Variants in ATP8A2 observed in about 807,000 individuals in gnomAD.
The protein encoded by ATP8A2 is ATPase phospholipid transporting 8A2, also known as phospholipid-transporting ATPase IB.
In ATP8A2, 100 loss-of-function variants were observed where a neutral mutation model predicts 165.6. That is an observed-to-expected ratio of 0.60 (90% CI 0.51 to 0.71). ATP8A2 has a LOEUF of 0.71. ATP8A2 is among the 30% of genes least tolerant of loss of function. ATP8A2 has a pLI of 0.00. For synonymous variants in ATP8A2, 543 were observed against 548.8 expected (o/e 0.99, Z 0.15); for missense variants, 1,227 against 1,479.5 (o/e 0.83, Z 2.80).
intron 1 of ATP8A2, among the ~76,000 whole-genome samples, chr13:25,386,843 A>C (rs553682154): frequency 6.6e-6 from 1 of 151,954 alleles, no homozygotes; most frequent in Non-Finnish European, 1.5e-5. Context: ...TAAAAATACA[A>C]AAAAGTAGCC....
rs1398724919 is a variant in ATP8A2, at chr13:25,574,810, G to A, written c.1665G>A (p.Met555Ile). Residue 555 changes from methionine (M) to isoleucine (I), a missense_variant and splice_region_variant, in exon 19 of 37, where the codon ATG (methionine) becomes ATA (isoleucine). By Grantham distance (10) the Met-to-Ile change is conservative (BLOSUM62 1). This residue lies in a region of ATP8A2 where 592 missense variants were observed against 785.6 expected (regional missense o/e 0.75). Coordinates refer to ENST00000381655, the MANE Select transcript of ATP8A2 (RefSeq NM_016529.6). ...AGAGCCTATTTTTCTTCCTTTAGAT[G>A]GGACAGGAACAAACATTCGGAATCC... ...RTPFSVIIEA[M>I]GQEQTFGILN... 5.1e-6 allele frequency: 8 copies of A among 1,558,516 alleles called. No individual in the cohort carries two copies. Among genetic ancestry groups the A allele is most frequent in the South Asian group, 3.3e-5 (3 of 89,590 alleles).
rs1186621748 is a variant in ATP8A2 at position 25,538,109 on chromosome 13, A to G, written c.581+48A>G. The G allele has an allele frequency of 4.1e-6, 6 of 1,464,092 alleles. 1 individual carries two copies. The highest frequency in any genetic ancestry group is 2.3e-5 in the South Asian group (2 of 86,870). The allele number at this position is 1,464,092 out of a possible 1,614,324, so 90.7% of individuals were successfully genotyped here. On this transcript the variant is annotated intron_variant, in intron 7 of 36. Coordinates refer to ENST00000381655, the MANE Select transcript of ATP8A2 (RefSeq NM_016529.6). ...TTTTTTGCAATAAATGTTAAGAACA[A>G]TAAAATATTAAGCAGCACCTGGGGC...
chr13:25,676,692 T>A (rs536032682), intron 24 of ATP8A2, among the ~76,000 whole-genome samples: 16 of 152,160 alleles, frequency 1.1e-4, no homozygotes, highest in South Asian at 2.1e-4. Flanking sequence ...TTAAAAAAAA[T>A]TTTTATATAT....
In ATP8A2 at chr13:25,805,516, C is replaced by CA. The variant is rs560448020; in HGVS notation, c.2680-22593dup. On this transcript the variant is annotated intron_variant, in intron 27 of 36. Transcript: ENST00000381655. ...TGGGCAACAGAGTAAGACCCTGTCT[C>CA]AAAAAAAAAGAAAAAGAGTAACAAA... Among the ~76,000 whole-genome samples, 1,402 of 148,556 alleles carry CA rather than the reference C, an allele frequency of 9.4e-3. 21 individuals carry two copies. The highest frequency in any genetic ancestry group is 0.033 in the African/African-American group (1,319 of 40,428).
At chr13:25,503,786 G>T (rs1447204400) in intron 2 of ATP8A2, among the ~76,000 whole-genome samples, 1 of 152,158 alleles carries the variant, frequency 6.6e-6, no homozygotes, top group Non-Finnish European at 1.5e-5. Context: ...ATCCTTAATG[G>T]CAAGTTTGGT....
In ATP8A2 at chr13:25,750,286, C is replaced by T. The variant is rs1241688863; in HGVS notation, c.2385-18760C>T. Among the ~76,000 whole-genome samples the T allele has an allele frequency of 6.6e-6, 1 of 152,188 alleles. No homozygotes were observed. ...TTCTCAGAGTAGTCGCTAGAGTTTT[C>T]AGGAGACCAAATAAAATAGTACACA... On this transcript the variant is annotated intron_variant, in intron 25 of 36. Transcript: ENST00000381655. The surrounding 1 kb of genome is among the most constrained non-coding windows in gnomAD (Gnocchi z 4.3).
chr13:25,971,230 A>G (rs1460616216), intron 35 of ATP8A2, among the ~76,000 whole-genome samples: 1 of 152,002 alleles, frequency 6.6e-6, no homozygotes, highest in Non-Finnish European at 1.5e-5. Context: ...TGGGTGGTCC[A>G]TCTGCAAACT....
intron 1 of ATP8A2, among the ~76,000 whole-genome samples, chr13:25,399,684 G>C (rs921566112): frequency 2.0e-5 from 3 of 151,166 alleles, no homozygotes; most frequent in African/African-American, 7.3e-5. Flanking sequence ...TTACAGGCGT[G>C]AGCCACCGCG....
At chr13:25,736,059 G>T (rs2043761609) in intron 25 of ATP8A2, among the ~76,000 whole-genome samples, 1 of 152,108 alleles carries the variant, frequency 6.6e-6, no homozygotes, top group African/African-American at 2.4e-5. Flanking sequence ...TGTTACAATT[G>T]CCTACCATAT....
chr13:25,638,690 T>A (rs1410900302), intron 24 of ATP8A2, among the ~76,000 whole-genome samples: 1 of 152,106 alleles, frequency 6.6e-6, no homozygotes, highest in African/African-American at 2.4e-5. Flanking sequence ...CTGCAGGATG[T>A]TATCCTGGAG....
chr13:25,904,302 C>T (rs761565861), intron 33 of ATP8A2, among the ~76,000 whole-genome samples: 5 of 152,202 alleles, frequency 3.3e-5, no homozygotes, highest in South Asian at 2.1e-4. Context: ...CAAGGTTCCC[C>T]GGTAATCCAC....
chr13:25,620,821 T>G (rs2040949156), intron 24 of ATP8A2, among the ~76,000 whole-genome samples: 1 of 152,250 alleles, frequency 6.6e-6, no homozygotes, highest in Non-Finnish European at 1.5e-5. Flanking sequence ...GCTGCTTGAT[T>G]CTTGTAATCA....
chr13:25,739,039 G>C (rs918344407), intron 25 of ATP8A2, among the ~76,000 whole-genome samples: 1 of 152,246 alleles, frequency 6.6e-6, no homozygotes, highest in Admixed American at 6.5e-5. Flanking sequence ...TATATTGACA[G>C]TGAAGTTGAG....
intron 1 of ATP8A2, among the ~76,000 whole-genome samples, chr13:25,385,846 T>C (rs1392509973): frequency 6.6e-6 from 1 of 151,910 alleles, no homozygotes; most frequent in East Asian, 1.9e-4. Flanking sequence ...TACACACCAC[T>C]ATGCCCAGCT....
In ATP8A2 at chr13:25,740,476, A is replaced by G. The variant is rs186548055; in HGVS notation, c.2385-28570A>G. Among the ~76,000 whole-genome samples, 544 of 152,292 alleles carry G rather than the reference A, an allele frequency of 3.6e-3. 2 individuals are homozygous for G. Among genetic ancestry groups the G allele is most frequent in the Non-Finnish European group, 5.7e-3 (391 of 68,016 alleles). On this transcript the variant is annotated intron_variant, in intron 25 of 36. Coordinates refer to ENST00000381655, the MANE Select transcript of ATP8A2 (RefSeq NM_016529.6). ...AACAGGGAGTGTGGGACTCTATGAC[A>G]ATAGGAATGATGAATGTCTGAACTG...
At chr13:25,553,671 C>A in intron 11 of ATP8A2, 122 bp from the exon 12 acceptor site, 1 of 1,003,000 alleles carries the variant, frequency 1.0e-6, no homozygotes, top group Non-Finnish European at 1.5e-6. Context: ...AGAAAGCAGC[C>A]TTTGAACTCA....
chr13:25,547,187 C>G (rs1476582505), intron 10 of ATP8A2, among the ~76,000 whole-genome samples: 1 of 151,546 alleles, frequency 6.6e-6, no homozygotes, highest in Non-Finnish European at 1.5e-5. Flanking sequence ...AAACAAAACA[C>G]AAGCAGTCAA....
chr13:25,427,937 C>T (rs926786426), intron 1 of ATP8A2, among the ~76,000 whole-genome samples: 1 of 152,006 alleles, frequency 6.6e-6, no homozygotes, highest in Non-Finnish European at 1.5e-5. Context: ...GTGGCTCATG[C>T]CTGTAATCCC....
intron 27 of ATP8A2, among the ~76,000 whole-genome samples, chr13:25,811,928 G>A (rs7335762): frequency 0.022 from 3,277 of 152,230 alleles, 110 homozygotes; most frequent in African/African-American, 0.075. Context: ...CTATTTTGCA[G>A]TATGCTAAAT....
Sources: gnomAD v4.1 joint callset for allele counts (sites outside exome capture counted in the v4.1 genomes callset) on GRCh38, gnomAD v4.1.1 for gene constraint, gnomAD v4.1.1 regional missense constraint, Gnocchi (gnomAD v3.1) non-coding constraint, MANE v1.5 for transcripts, NCBI Gene and HGNC (gene_info 2026-07-23, HGNC 2026-07-21) for gene names.